The following LSM14A variants were observed in gnomAD, a reference collection of about 807,000 sequenced individuals.
The protein encoded by LSM14A is protein LSM14 homolog A.
LSM14A carries 14 observed loss-of-function variants against 52.4 expected under a neutral mutation model. The observed-to-expected ratio is 0.27, with a 90% CI of 0.18 to 0.42. The LOEUF (loss-of-function observed/expected upper bound fraction) is 0.42. LSM14A is among the 10% of genes least tolerant of loss of function. The pLI, the probability that LSM14A is intolerant of heterozygous loss-of-function variation, is 1.00. For missense variants in LSM14A, 417 were observed against 581.8 expected (o/e 0.72, Z 2.91); for synonymous variants, 185 against 200.3 (o/e 0.92, Z 0.64).
rs1033130499 is a variant in LSM14A, at chr19:34,227,410, A to G, written c.*22A>G. ...ATAGTCTACAAACAAGTCTCTGAAAATAGGTGAATTTCTAGCTCTTCATGG... is the reference window on the plus strand; with the variant it reads ...ATAGTCTACAAACAAGTCTCTGAAAGTAGGTGAATTTCTAGCTCTTCATGG... On this transcript the variant is annotated 3_prime_UTR_variant, in exon 10 of 10. Transcript: ENST00000544216. 1.3e-6 allele frequency: 2 copies of G among 1,576,294 alleles called. No homozygotes were observed. The highest frequency in any genetic ancestry group is 8.6e-7 in the Non-Finnish European group (1 of 1,162,216).
chr19:34,208,345 AT>A (rs2071864886), intron 3 of LSM14A: 1 of 152,214 alleles, frequency 6.6e-6, no homozygotes, highest in Non-Finnish European at 1.5e-5. Flanking sequence ...TAGAGAAGAA[AT>A]TTGATATAAC....
chr19:34,181,053 C>T (rs1220108019), intron 1 of LSM14A, among the ~76,000 whole-genome samples: 2 of 152,258 alleles, frequency 1.3e-5, no homozygotes, highest in South Asian at 4.2e-4. Flanking sequence ...CCTCACATAC[C>T]CAGTTACCTG....
chr19:34,205,611 G>T (rs1190754018), intron 3 of LSM14A, among the ~76,000 whole-genome samples: 1 of 151,750 alleles, frequency 6.6e-6, no homozygotes, highest in Non-Finnish European at 1.5e-5. Flanking sequence ...GAGCCCAGCA[G>T]TTCAAGGTTG....
Position 34,172,519 on chromosome 19 carries a change from G to A in LSM14A, c.-124G>A, listed in dbSNP as rs1365945876. 2 of 1,109,050 alleles carry A rather than the reference G, an allele frequency of 1.8e-6. No individual in the cohort carries two copies. The highest frequency in any genetic ancestry group is 3.5e-5 in the East Asian group (1 of 28,702). The allele number at this position is 1,109,050 out of a possible 1,614,324, so 68.7% of individuals were successfully genotyped here. On this transcript the variant is annotated 5_prime_UTR_variant, in exon 1 of 10. Coordinates refer to ENST00000544216, the MANE Select transcript of LSM14A (RefSeq NM_015578.4). ...GGGGGAGGGTAGCGGAGCCGGCGCC[G>A]CCGCCATGTTGGGTCTGAAGCGGCT...
At chr19:34,192,550 AAAC>A (rs2070505022) in intron 1 of LSM14A, among the ~76,000 whole-genome samples, 1 of 140,128 alleles carries the variant, frequency 7.1e-6, no homozygotes, top group South Asian at 2.3e-4. Context: ...GGCCGGTGTC[AAAC>A]TCCTGACCTC....
At position 34,176,442 on chromosome 19, in the gene LSM14A, A is replaced by G. The variant is rs142109981; in HGVS notation, c.121+3679A>G. Reference sequence around the variant, plus strand: ...GCCAGCATCCCAGAAGCCTCCCACCACCTATATTTTCCCATCACAACTATC... The same window carrying G: ...GCCAGCATCCCAGAAGCCTCCCACCGCCTATATTTTCCCATCACAACTATC... On this transcript the variant is annotated intron_variant, in intron 1 of 9. Coordinates refer to ENST00000544216, the MANE Select transcript of LSM14A (RefSeq NM_015578.4). Among the ~76,000 whole-genome samples the G allele has an allele frequency of 1.7e-3, 253 of 152,216 alleles. 3 individuals carry two copies. Among genetic ancestry groups the G allele is most frequent in the Non-Finnish European group, 2.7e-3 (184 of 68,002 alleles).
chr19:34,202,601 A>G (rs116719891), intron 3 of LSM14A, among the ~76,000 whole-genome samples: 145 of 152,274 alleles, frequency 9.5e-4, no homozygotes, highest in African/African-American at 3.4e-3. Flanking sequence ...GCTTGATTAT[A>G]TGCATACTCT....
intron 3 of LSM14A, among the ~76,000 whole-genome samples, chr19:34,203,512 A>G (rs2071452033): frequency 1.3e-5 from 2 of 152,206 alleles, no homozygotes; most frequent in Admixed American, 1.3e-4. Context: ...GGATTATTAA[A>G]GATCAGACCA....
chr19:34,194,694 G>C (rs2070715798), intron 2 of LSM14A, 53 bp downstream of exon 2: 9 of 1,566,792 alleles, frequency 5.7e-6, no homozygotes, highest in Admixed American at 1.7e-5. Flanking sequence ...CACAGGGTTA[G>C]CCTTGGCTTT....
In LSM14A at chr19:34,215,136, C is replaced by G; in HGVS notation, c.551C>G (p.Pro184Arg). 6.2e-7 allele frequency: 1 copy of G among 1,608,818 alleles called. No individual in the cohort carries two copies. The highest frequency in any genetic ancestry group is 8.5e-7 in the Non-Finnish European group (1 of 1,178,410). Residue 184 changes from proline to arginine, a missense_variant, in exon 5 of 10, where the codon CCT becomes CGT. By Grantham distance (103) the Pro-to-Arg change is moderately radical (BLOSUM62 -2). Coordinates refer to ENST00000544216, the MANE Select transcript of LSM14A (RefSeq NM_015578.4). ...GGTTACATTTTAGGTCGCTCAAGCCCTCAGTTAGACCCTTTGAGAAAAAGC... is the reference window on the plus strand; with the variant it reads ...GGTTACATTTTAGGTCGCTCAAGCCGTCAGTTAGACCCTTTGAGAAAAAGC... ...KTQLSQGRSS[P>R]QLDPLRKSPT... is the part of the protein sequence containing the mutation.
At chr19:34,199,891 G>A (rs899422869) in intron 3 of LSM14A, among the ~76,000 whole-genome samples, 1 of 152,224 alleles carries the variant, frequency 6.6e-6, no homozygotes, top group African/African-American at 2.4e-5. Flanking sequence ...GTCATTGGGT[G>A]AAAGGTGTTA....
rs560992369 is a variant in LSM14A at position 34,183,008 on chromosome 19, C to A, written c.121+10245C>A. On this transcript the variant is annotated intron_variant, in intron 1 of 9. Transcript: ENST00000544216. ...AGCCTTGTTATTGTTGTTTTTAATT[C>A]CTCATGGATGCGTTTATCCTCCACC... 2.0e-4 allele frequency among the ~76,000 whole-genome samples: 31 copies of A among 151,862 alleles called. No homozygotes were observed. The East Asian group carries it at 4.3e-3, about 21-fold the overall frequency.
At chr19:34,223,060 T>A (rs1317420504) in intron 9 of LSM14A, among the ~76,000 whole-genome samples, 3 of 152,132 alleles carry the variant, frequency 2.0e-5, no homozygotes, top group African/African-American at 7.2e-5. Flanking sequence ...TCTTCCTAAT[T>A]TTTTAATACT....
intron 5 of LSM14A, 146 bp downstream of exon 5, chr19:34,215,446 T>G: frequency 8.9e-7 from 1 of 1,125,426 alleles, no homozygotes; most frequent in Non-Finnish European, 1.3e-6. Flanking sequence ...CAAATTTGAC[T>G]CAAAGTGGTG....
In LSM14A at chr19:34,173,531, C is replaced by T. The variant is rs375100024; in HGVS notation, c.121+768C>T. Among the ~76,000 whole-genome samples, 66 of 152,268 alleles carry T rather than the reference C, an allele frequency of 4.3e-4. 3 individuals carry two copies. In the South Asian group the frequency reaches 0.014, roughly 32 times the overall value. ...GTTGACTGATCCCTCTGGAGGCTCT[C>T]TGGGAAAGGGAATTCGGCCGAGAAG... On this transcript the variant is annotated intron_variant, in intron 1 of 9. Coordinates refer to ENST00000544216, the MANE Select transcript of LSM14A (RefSeq NM_015578.4).
In LSM14A at chr19:34,221,315, T is replaced by G. The variant is rs568673743; in HGVS notation, c.1137-192T>G. The G allele has an allele frequency of 6.6e-6, 4 of 604,106 alleles. No homozygotes were observed. The African/African-American group carries it at 7.4e-5, about 11-fold the overall frequency. The allele number at this position is 604,106 out of a possible 1,614,324, so 37.4% of individuals were successfully genotyped here. On this transcript the variant is annotated intron_variant, in intron 8 of 9. Coordinates refer to ENST00000544216, the MANE Select transcript of LSM14A (RefSeq NM_015578.4). ...CCAGGCTAGTCTCGAACTCCTGACT[T>G]CAGGCGATCCGCCCCCTCGGCCTCC...
chr19:34,219,919 G>A (rs750256413), intron 8 of LSM14A, 42 bp downstream of exon 8: 61 of 1,419,764 alleles, frequency 4.3e-5, no homozygotes, highest in Non-Finnish European at 6.0e-5. Context: ...GATATTGATT[G>A]AAGTGTAAAA....
chr19:34,192,579 C>G (rs1226264893), intron 1 of LSM14A, among the ~76,000 whole-genome samples: 1 of 139,582 alleles, frequency 7.2e-6, no homozygotes, highest in South Asian at 2.3e-4. Context: ...ATCTGCCCAC[C>G]TTGGCCTCCC....
At position 34,227,517 on chromosome 19, in the gene LSM14A, T is replaced by C; in HGVS notation, c.*129T>C. On this transcript the variant is annotated 3_prime_UTR_variant, in exon 10 of 10. Transcript: ENST00000544216. Reference sequence around the variant, plus strand: ...TTGTCACCAGCACTGGGTTTTTGTTTTTTGTTTGTTTTTCCGCTTAATTTC... The same window carrying C: ...TTGTCACCAGCACTGGGTTTTTGTTCTTTGTTTGTTTTTCCGCTTAATTTC... 1.5e-6 allele frequency: 1 copy of C among 677,566 alleles called. No individual in the cohort carries two copies. The highest frequency in any genetic ancestry group is 2.4e-6 in the Non-Finnish European group (1 of 409,334). 42.0% of individuals were successfully genotyped at this position (677,566 alleles called of 1,614,324 possible). A position where few individuals can be genotyped will look rare whatever the true frequency, so the allele number is the denominator to read the frequency against.
Sources: gnomAD v4.1 joint callset for allele counts (sites outside exome capture counted in the v4.1 genomes callset) on GRCh38, gnomAD v4.1.1 for gene constraint, MANE v1.5 for transcripts, NCBI Gene and HGNC (gene_info 2026-07-23, HGNC 2026-07-21) for gene names.